GSE1: variants seen among roughly 807,000 people sequenced by gnomAD.
GSE1 encodes the protein genetic suppressor element 1.
GSE1 carries 32 observed loss-of-function variants against 112.6 expected under a neutral mutation model. The observed-to-expected ratio is 0.28, with a 90% CI of 0.21 to 0.38. The LOEUF is 0.38. GSE1 is among the 10% of genes least tolerant of loss of function. GSE1 has a pLI of 1.00. For synonymous variants in GSE1, 1,115 were observed against 735.6 expected, an observed-to-expected ratio of 1.52 and a Z score of -8.35; for missense variants, 2,348 against 1,699.2, an observed-to-expected ratio of 1.38 and a Z score of -6.71.
chr16:85,582,925 A>C (rs2046514072), intron 1 of GSE1, among the ~76,000 whole-genome samples: 3 of 152,226 alleles, frequency 2.0e-5, no homozygotes. Flanking sequence ...AGTGAGTTTT[A>C]ATAATTTGCT....
chr16:85,651,840 C>G (rs2051383249), intron 3 of GSE1, among the ~76,000 whole-genome samples: 1 of 152,224 alleles, frequency 6.6e-6, no homozygotes, highest in African/African-American at 2.4e-5. Flanking sequence ...CATCCAGAGA[C>G]CCACTAGCTT....
intron 1 of GSE1, among the ~76,000 whole-genome samples, chr16:85,602,232 G>T (rs1162528523): frequency 2.0e-5 from 3 of 152,138 alleles, no homozygotes; most frequent in Admixed American, 6.5e-5. Context: ...GGGTTGCCTG[G>T]AGGCCGAGGC....
intron 1 of GSE1, among the ~76,000 whole-genome samples, chr16:85,217,857 A>T (rs1276588491): frequency 6.6e-6 from 1 of 152,080 alleles, no homozygotes; most frequent in Non-Finnish European, 1.5e-5. Context: ...GTCCCCAGTC[A>T]GAAGTCCTTC....
chr16:85,203,429 G>A (rs906443937), intron 1 of GSE1, among the ~76,000 whole-genome samples: 6 of 152,198 alleles, frequency 3.9e-5, no homozygotes, highest in African/African-American at 1.4e-4. Flanking sequence ...CCTGAGGACA[G>A]CACGTGGGAC....
At chr16:85,269,143 G>GT (rs960516846) in intron 1 of GSE1, among the ~76,000 whole-genome samples, 8 of 149,252 alleles carry the variant, frequency 5.4e-5, no homozygotes, top group African/African-American at 1.7e-4. Context: ...GAACCATACT[G>GT]TTTTTTTCTT....
intron 1 of GSE1, among the ~76,000 whole-genome samples, chr16:85,633,626 A>G (rs1054358725): frequency 1.3e-5 from 2 of 152,178 alleles, no homozygotes; most frequent in South Asian, 2.1e-4. Context: ...CGACCTGCCC[A>G]GCCTGGACTG....
chr16:85,342,384 G>T (rs2046642444), intron 1 of GSE1, among the ~76,000 whole-genome samples: 1 of 152,188 alleles, frequency 6.6e-6, no homozygotes, highest in Non-Finnish European at 1.5e-5. Flanking sequence ...TAATAGTCTA[G>T]TGATCACTTT....
At chr16:85,417,407 G>GCT (rs201359980) in intron 2 of GSE1, among the ~76,000 whole-genome samples, 28,174 of 152,190 alleles carry the variant, frequency 0.19, 2,778 homozygotes, top group Middle Eastern at 0.32. Flanking sequence ...CGAGCTGGAA[G>GCT]AAGATCCTTG....
intron 2 of GSE1, among the ~76,000 whole-genome samples, chr16:85,450,226 G>A (rs12444478): frequency 0.89 from 132,006 of 148,886 alleles, 59,286 homozygotes; most frequent in Middle Eastern, 0.97. Context: ...GGTTCAAGCA[G>A]TTCTGCCTCA....
intron 1 of GSE1, among the ~76,000 whole-genome samples, chr16:85,200,758 AT>A (rs761603247): frequency 6.6e-6 from 1 of 152,208 alleles, no homozygotes; most frequent in Non-Finnish European, 1.5e-5. Flanking sequence ...GAAATGGACT[AT>A]TTCAGCTATT....
At chr16:85,448,736 C>T (rs1463899205) in intron 2 of GSE1, among the ~76,000 whole-genome samples, 6 of 152,254 alleles carry the variant, frequency 3.9e-5, no homozygotes, top group Admixed American at 1.3e-4. Flanking sequence ...ACGCCGCCCA[C>T]ATCCCCGGCC....
intron 2 of GSE1, among the ~76,000 whole-genome samples, chr16:85,495,540 A>C (rs1453102130): frequency 6.6e-6 from 1 of 151,596 alleles, no homozygotes; most frequent in Non-Finnish European, 1.5e-5. Flanking sequence ...TGTCGGGCCC[A>C]GGCTGGGGTG....
intron 1 of GSE1, among the ~76,000 whole-genome samples, chr16:85,615,116 A>T (rs2048290377): frequency 6.6e-6 from 1 of 152,140 alleles, no homozygotes; most frequent in Non-Finnish European, 1.5e-5. Context: ...AGCTTGGGGC[A>T]CTTCAGTGTT....
chr16:85,640,523 G>A (rs556552119), intron 2 of GSE1, among the ~76,000 whole-genome samples: 7 of 152,242 alleles, frequency 4.6e-5, no homozygotes, highest in Non-Finnish European at 1.0e-4. Flanking sequence ...GGCAAGAGGG[G>A]AGGCAGATCC....
intron 2 of GSE1, among the ~76,000 whole-genome samples, chr16:85,411,097 A>G (rs79803449): frequency 1.0e-5 from 1 of 95,272 alleles, no homozygotes; most frequent in Non-Finnish European, 1.8e-5. Context: ...GATAATCCTC[A>G]CTGTTACACT....
intron 1 of GSE1, among the ~76,000 whole-genome samples, chr16:85,314,283 TAG>T (rs1199528187): frequency 2.6e-5 from 4 of 152,054 alleles, no homozygotes; most frequent in African/African-American, 9.7e-5. Context: ...CTCGCCAAAA[TAG>T]GGGGACGTGA....
upstream of GSE1, chr16:85,555,035 C>G: frequency 6.1e-6 from 6 of 985,334 alleles, no homozygotes; most frequent in Non-Finnish European, 6.0e-6. Context: ...GGGAAGCTCG[C>G]AAGTGAAACT....
At position 85,398,672 on chromosome 16, in the gene GSE1, G is replaced by A. The variant is rs143860981; in HGVS notation, c.2464+41029G>A. On this transcript the variant is annotated intron_variant, in intron 2 of 2. Transcript: ENST00000637419. ...CTATAAAGTGGGATAGGTTAGGATC[G>A]AGGGGCTCATTTCAGATGCTACAAC... Among the ~76,000 whole-genome samples the A allele has an allele frequency of 3.4e-3, 516 of 152,230 alleles. 6 individuals are homozygous for A. The highest frequency in any genetic ancestry group is 0.012 in the African/African-American group (491 of 41,540).
chr16:85,654,307 T>G lies in GSE1; in HGVS notation c.456T>G (p.Gly152=). 6.2e-7 allele frequency: 1 copy of G among 1,606,366 alleles called. No homozygotes were observed. Among genetic ancestry groups the G allele is most frequent in the Non-Finnish European group, 8.5e-7 (1 of 1,177,564 alleles). Residue 152 remains glycine, a synonymous_variant, in exon 4 of 16, where the codon GGT becomes GGG. Transcript: ENST00000253458. ...CCGGCTCCAGGAGCAGCAGTGGAGG[T>G]CGGGAACGCCTCATTGTGGAGCCCC... ...QDAGSRSSSG[G]RERLIVEPPL...
Sources: allele counts gnomAD v4.1 joint callset (sites outside exome capture counted in the v4.1 genomes callset), GRCh38; gene constraint gnomAD v4.1.1; transcripts MANE v1.5; gene names NCBI Gene and HGNC (gene_info 2026-07-23, HGNC 2026-07-21).